ZNF37A: variants seen among roughly 807,000 people sequenced by gnomAD.
The protein encoded by ZNF37A is zinc finger protein 37a (KOX 21).
Under a neutral mutation model 12.3 loss-of-function variants are expected in ZNF37A, and 10 were observed. The observed-to-expected ratio is 0.82, with a 90% CI of 0.50 to 1.38. The LOEUF (loss-of-function observed/expected upper bound fraction) is 1.38. ZNF37A is among the 40% of genes most tolerant of loss of function. ZNF37A has a pLI of 0.00. For synonymous variants in ZNF37A, 207 were observed against 223.0 expected, an observed-to-expected ratio of 0.93 and a Z score of 0.64; for missense variants, 580 against 651.2, an observed-to-expected ratio of 0.89 and a Z score of 1.19.
chr10:38,105,494 A>G lies in ZNF37A; in HGVS notation c.15+8862A>G, dbSNP rs535808398. Among the ~76,000 whole-genome samples, 12 of 152,316 alleles carry G rather than the reference A, an allele frequency of 7.9e-5. 1 individual carries two copies. The South Asian group carries it at 1.9e-3, about 24-fold the overall frequency. On this transcript the variant is annotated intron_variant, in intron 5 of 7. Coordinates refer to ENST00000685332, the MANE Select transcript of ZNF37A (RefSeq NM_001324250.3). ...TTCTTATTTTTGGAAAAACATCATT[A>G]CTTTATGTAAGCTTATCAAAAATAA...
At chr10:38,127,038 G>A (rs1371336754), downstream of ZNF37A, among the ~76,000 whole-genome samples, 1 of 152,098 alleles carries the variant, frequency 6.6e-6, no homozygotes, top group Non-Finnish European at 1.5e-5. Context: ...ATATCTTTTC[G>A]TGTTTTCAAG....
intron 5 of ZNF37A, among the ~76,000 whole-genome samples, chr10:38,111,756 G>A (rs2068675103): frequency 6.6e-6 from 1 of 152,088 alleles, no homozygotes; most frequent in Admixed American, 6.6e-5. Context: ...AGTAGATCTA[G>A]TAAAAACATA....
At position 38,118,243 on chromosome 10, in the gene ZNF37A, C is replaced by CGA. The variant is rs751649011; in HGVS notation, c.1092_1093insGA (p.Ser365AspfsTer67). 7 of 1,613,812 alleles carry CGA rather than the reference C, an allele frequency of 4.3e-6. No individual in the cohort carries two copies. The highest frequency in any genetic ancestry group is 5.9e-6 in the Non-Finnish European group (7 of 1,179,890). On this transcript the variant is annotated frameshift_variant, in exon 8 of 8. Coordinates refer to ENST00000685332, the MANE Select transcript of ZNF37A (RefSeq NM_001324250.3). LOFTEE classifies it low-confidence loss of function (END_TRUNC). Reference sequence around the variant, plus strand: ...AATGTCATGAATGTGGGAAAACCTTCTCATTTAAGTCAGTCCTTACTGTGC... The same window carrying CGA: ...AATGTCATGAATGTGGGAAAACCTTCGATCATTTAAGTCAGTCCTTACTGTGC...
At chr10:38,113,643 T>C (rs547603178) in intron 5 of ZNF37A, among the ~76,000 whole-genome samples, 2 of 152,320 alleles carry the variant, frequency 1.3e-5, no homozygotes, top group African/African-American at 2.4e-5. Flanking sequence ...CCTCTGGAAG[T>C]AGCCCTTCCT....
At chr10:38,133,311 C>T (rs1282657156) in intron 7 of ZNF37A, among the ~76,000 whole-genome samples, 1 of 151,956 alleles carries the variant, frequency 6.6e-6, no homozygotes, top group Non-Finnish European at 1.5e-5. Context: ...CACTTTGTTG[C>T]TTGTTTTTTA....
chr10:38,113,311 C>T (rs902501283), intron 5 of ZNF37A, among the ~76,000 whole-genome samples: 1 of 144,356 alleles, frequency 6.9e-6, no homozygotes, highest in Non-Finnish European at 1.5e-5. Flanking sequence ...CTCCTGGGTG[C>T]AAGCAATTCT....
intron 7 of ZNF37A, 30 bp from the exon 8 acceptor site, chr10:38,117,360 A>C (rs746943295): frequency 6.5e-7 from 1 of 1,535,316 alleles, no homozygotes; most frequent in Non-Finnish European, 8.7e-7. Context: ...ATCCTCGTCA[A>C]CTAACCTTTC....
In ZNF37A at chr10:38,094,401, G is replaced by A. The variant is rs1359434147; in HGVS notation, c.-581G>A. The A allele has an allele frequency of 6.6e-6, 1 of 152,192 alleles. No homozygotes were observed. Among genetic ancestry groups the A allele is most frequent in the Admixed American group, 6.5e-5 (1 of 15,282 alleles). 9.4% of individuals were successfully genotyped at this position (152,192 alleles called of 1,614,324 possible). A position where few individuals can be genotyped will look rare whatever the true frequency, so the allele number is the denominator to read the frequency against. Reference sequence around the variant, plus strand: ...CGCTTCGGGCCTTCTGGGCATGTCTGCCATATGGCTCCAGGTTTGTTTTTC... The same window carrying A: ...CGCTTCGGGCCTTCTGGGCATGTCTACCATATGGCTCCAGGTTTGTTTTTC... On this transcript the variant is annotated 5_prime_UTR_variant, in exon 1 of 8. Transcript: ENST00000685332.
intron 4 of ZNF37A, 132 bp from the exon 5 acceptor site, chr10:38,096,442 C>G: frequency 1.7e-6 from 1 of 586,928 alleles, no homozygotes; most frequent in South Asian, 2.7e-5. Flanking sequence ...ACTAATGAGT[C>G]CAAGCAGTAC....
At chr10:38,099,537 C>T (rs923357508) in intron 5 of ZNF37A, among the ~76,000 whole-genome samples, 30 of 152,280 alleles carry the variant, frequency 2.0e-4, no homozygotes, top group African/African-American at 5.8e-4. Context: ...ATTTGGGTTC[C>T]TTCCTCCTTT....
At chr10:38,115,159 C>T (rs1356450379) in intron 6 of ZNF37A, 36 bp from the exon 7 acceptor site, 4 of 1,514,130 alleles carry the variant, frequency 2.6e-6, no homozygotes, top group Admixed American at 1.8e-5. Flanking sequence ...GAAAACCCAC[C>T]CAGTTTGTCC....
At chr10:38,145,647 CAATG>C (rs1564390187) in intron 7 of ZNF37A, among the ~76,000 whole-genome samples, 1 of 152,198 alleles carries the variant, frequency 6.6e-6, no homozygotes, top group Non-Finnish European at 1.5e-5. Context: ...CAGCGGAAAA[CAATG>C]GATGTGCCTA....
Position 38,118,200 on chromosome 10 carries a change from CAG to C in ZNF37A, c.1050_1051del (p.Lys353ThrfsTer3), listed in dbSNP as rs777456944. 3.8e-5 allele frequency: 62 copies of C among 1,614,042 alleles called. No homozygotes were observed. The highest frequency in any genetic ancestry group is 3.3e-4 in the Middle Eastern group (2 of 6,062). Reference sequence around the variant, plus strand: ...CTTACTCAACATCAAAGAACGCACACAGGGGAGAAACCATATGAATGTCATGA... The same window carrying C: ...CTTACTCAACATCAAAGAACGCACACGGGAGAAACCATATGAATGTCATGA... On this transcript the variant is annotated frameshift_variant, in exon 8 of 8. Transcript: ENST00000685332. LOFTEE classifies it low-confidence loss of function (END_TRUNC).
chr10:38,096,307 A>T (rs2067150589), intron 4 of ZNF37A, among the ~76,000 whole-genome samples: 1 of 152,232 alleles, frequency 6.6e-6, no homozygotes, highest in Non-Finnish European at 1.5e-5. Context: ...TGAAAGTATT[A>T]TGTTCCACTC....
intron 7 of ZNF37A, among the ~76,000 whole-genome samples, chr10:38,146,167 C>G (rs921690342): frequency 6.6e-6 from 1 of 152,212 alleles, no homozygotes; most frequent in African/African-American, 2.4e-5. Context: ...TGCCTCTTAT[C>G]TTGGCATAAT....
intron 5 of ZNF37A, among the ~76,000 whole-genome samples, chr10:38,106,313 G>A (rs545043964): frequency 6.6e-6 from 1 of 152,222 alleles, no homozygotes; most frequent in South Asian, 2.1e-4. Context: ...CAACAAAAAG[G>A]ACATCCATTC....
chr10:38,133,635 G>A (rs1461872557), intron 7 of ZNF37A, among the ~76,000 whole-genome samples: 2 of 152,060 alleles, frequency 1.3e-5, no homozygotes, highest in Non-Finnish European at 2.9e-5. Context: ...TCCCTACAAA[G>A]GACATGAACT....
chr10:38,096,424 AT>A (rs2067158886), intron 4 of ZNF37A, 149 bp from the exon 5 acceptor site: 17 of 510,234 alleles, frequency 3.3e-5, no homozygotes, highest in Non-Finnish European at 1.0e-5. Context: ...ACGTTTTTAC[AT>A]TTGAAAACTA....
Position 38,117,518 on chromosome 10 carries a change from A to G in ZNF37A, c.367A>G (p.Asn123Asp). 1.2e-6 allele frequency: 2 copies of G among 1,613,418 alleles called. No homozygotes were observed. The highest frequency in any genetic ancestry group is 8.5e-7 in the Non-Finnish European group (1 of 1,179,826). Reference protein sequence around the residue: ...SEEEPSEYNKNGNSFWLNEDL... With the variant: ...SEEEPSEYNKDGNSFWLNEDL... Reference sequence around the variant, plus strand: ...AGAGGAACCTTCTGAATATAATAAAAATGGGAACAGCTTCTGGCTGAATGA... The same window carrying G: ...AGAGGAACCTTCTGAATATAATAAAGATGGGAACAGCTTCTGGCTGAATGA... Residue 123 changes from asparagine to aspartate, a missense_variant, in exon 8 of 8, where the codon AAT (asparagine) becomes GAT (aspartate). Transcript: ENST00000685332.
Sources: gnomAD v4.1 joint callset for allele counts (sites outside exome capture counted in the v4.1 genomes callset) on GRCh38, gnomAD v4.1.1 for gene constraint, MANE v1.5 for transcripts, NCBI Gene and HGNC (gene_info 2026-07-23, HGNC 2026-07-21) for gene names.